Variants in ROBO2 observed in about 807,000 individuals in gnomAD.
The protein encoded by ROBO2 is roundabout guidance receptor 2.
In ROBO2, 53 loss-of-function variants were observed where a neutral mutation model predicts 160.8. The observed-to-expected ratio is 0.33, with a 90% confidence interval of 0.26 to 0.41. The LOEUF is 0.41. ROBO2 is among the 10% of genes least tolerant of loss of function. The probability of loss-of-function intolerance (pLI) is 1.00; values close to 1 mark genes in which losing one functional copy is unlikely to be tolerated. For missense variants in ROBO2, 1,577 were observed against 1,722.4 expected (o/e 0.92, Z 1.49); for synonymous variants, 664 against 611.7 (o/e 1.09, Z -1.26).
intron 2 of ROBO2, among the ~76,000 whole-genome samples, chr3:76,567,597 T>C (rs1027822401): frequency 7.9e-6 from 1 of 126,120 alleles, no homozygotes; most frequent in African/African-American, 2.8e-5. Context: ...CATTAGGCTA[T>C]ATTTATGCTA....
intron 19 of ROBO2, among the ~76,000 whole-genome samples, chr3:77,600,631 TC>T (rs1367801402): frequency 3.3e-5 from 5 of 152,190 alleles, no homozygotes; most frequent in Admixed American, 6.5e-5. Context: ...TCAAGTATAT[TC>T]ACTTAATATT....
chr3:76,929,138 T>C (rs984600101), intron 2 of ROBO2, among the ~76,000 whole-genome samples: 9 of 152,102 alleles, frequency 5.9e-5, no homozygotes, highest in Non-Finnish European at 1.0e-4. Flanking sequence ...CGTTTGCTTG[T>C]AGTCTCAGCT....
intron 2 of ROBO2, among the ~76,000 whole-genome samples, chr3:76,914,117 A>G (rs1269006886): frequency 6.6e-6 from 1 of 152,192 alleles, no homozygotes; most frequent in Non-Finnish European, 1.5e-5. Context: ...TAAAAAGGAG[A>G]ATTTATACCA....
chr3:76,335,721 G>T (rs372590481), intron 2 of ROBO2, among the ~76,000 whole-genome samples: 2 of 151,920 alleles, frequency 1.3e-5, no homozygotes, highest in South Asian at 4.2e-4. Flanking sequence ...GGGACTACAG[G>T]CGCCGCCACC....
chr3:77,010,447 A>T (rs951559149), intron 2 of ROBO2, among the ~76,000 whole-genome samples: 1 of 152,216 alleles, frequency 6.6e-6, no homozygotes, highest in Non-Finnish European at 1.5e-5. Flanking sequence ...CTCCGCGTTT[A>T]TAATAAAAGC....
At position 75,938,590 on chromosome 3, in the gene ROBO2, GTTA is replaced by G. The variant is rs576185016; in HGVS notation, c.109+993_109+995del. 3.3e-5 allele frequency among the ~76,000 whole-genome samples: 5 copies of G among 152,170 alleles called. No homozygotes were observed. In the East Asian group the frequency reaches 9.7e-4, roughly 29 times the overall value. ...CCAGATAAAATTGAAAGTGTGCAGT[GTTA>G]TTATATAATTGTGATGAAGTTGAGC... On this transcript the variant is annotated intron_variant, in intron 2 of 26. Coordinates refer to the ROBO2 transcript ENST00000487694.
At chr3:77,354,522 T>C (rs2068791594) in intron 2 of ROBO2, among the ~76,000 whole-genome samples, 1 of 152,152 alleles carries the variant, frequency 6.6e-6, no homozygotes, top group Non-Finnish European at 1.5e-5. Flanking sequence ...AAGGCACCTC[T>C]GGGAAACCAA....
At chr3:76,369,607 C>A (rs1011685097) in intron 2 of ROBO2, among the ~76,000 whole-genome samples, 1 of 151,894 alleles carries the variant, frequency 6.6e-6, no homozygotes, top group Admixed American at 6.6e-5. Flanking sequence ...ATCGTTCTCT[C>A]ACATTTATTG....
intron 2 of ROBO2, among the ~76,000 whole-genome samples, chr3:76,163,404 A>G (rs2072710015): frequency 6.6e-6 from 1 of 151,360 alleles, no homozygotes; most frequent in Non-Finnish European, 1.5e-5. Flanking sequence ...ACAAAATGTT[A>G]TTATAACGTG....
intron 1 of ROBO2, among the ~76,000 whole-genome samples, chr3:77,046,083 T>C (rs2064636114): frequency 6.6e-6 from 1 of 152,202 alleles, no homozygotes; most frequent in African/African-American, 2.4e-5. Context: ...TACTAACTTT[T>C]GTGTGAACAT....
At chr3:77,556,225 T>C (rs1379084625) in intron 8 of ROBO2, among the ~76,000 whole-genome samples, 1 of 151,924 alleles carries the variant, frequency 6.6e-6, no homozygotes, top group Non-Finnish European at 1.5e-5. Flanking sequence ...AACTTTTAGT[T>C]TGAATTTCTA....
intron 2 of ROBO2, among the ~76,000 whole-genome samples, chr3:76,630,691 A>G (rs560379062): frequency 6.6e-6 from 1 of 152,226 alleles, no homozygotes; most frequent in East Asian, 1.9e-4. Context: ...ATTGACAAAG[A>G]TTAAAAAATT....
intron 2 of ROBO2, among the ~76,000 whole-genome samples, chr3:76,045,482 T>C (rs2067419121): frequency 6.6e-6 from 1 of 151,954 alleles, no homozygotes; most frequent in Non-Finnish European, 1.5e-5. Flanking sequence ...AGACACAAGT[T>C]ATAGAGAAAG....
chr3:76,278,376 A>G (rs768332571), intron 2 of ROBO2, among the ~76,000 whole-genome samples: 1 of 152,024 alleles, frequency 6.6e-6, no homozygotes, highest in Non-Finnish European at 1.5e-5. Flanking sequence ...AAGCCCAGGT[A>G]CATTTCGGTC....
At chr3:77,199,589 G>A (rs2082625613) in intron 2 of ROBO2, among the ~76,000 whole-genome samples, 2 of 151,044 alleles carry the variant, frequency 1.3e-5, no homozygotes, top group Admixed American at 6.6e-5. Context: ...CAGTGACTGA[G>A]GCTGTTTTTA....
chr3:76,942,769 T>C (rs921859102), intron 2 of ROBO2, among the ~76,000 whole-genome samples: 1 of 152,174 alleles, frequency 6.6e-6, no homozygotes, highest in African/African-American at 2.4e-5. Context: ...TCCATTTCAG[T>C]TCCCTTAACT....
At chr3:76,987,167 C>G (rs1451284346) in intron 2 of ROBO2, among the ~76,000 whole-genome samples, 1 of 152,154 alleles carries the variant, frequency 6.6e-6, no homozygotes, top group Admixed American at 6.6e-5. Flanking sequence ...GAGGTCTGAG[C>G]TACTAATAAA....
chr3:76,390,348 T>C (rs1183670738), intron 2 of ROBO2, among the ~76,000 whole-genome samples: 1 of 152,110 alleles, frequency 6.6e-6, no homozygotes, highest in African/African-American at 2.4e-5. Context: ...ATATAATAAC[T>C]ATATATATAA....
intron 2 of ROBO2, among the ~76,000 whole-genome samples, chr3:76,963,686 G>T (rs1389561799): frequency 6.6e-6 from 1 of 151,720 alleles, no homozygotes; most frequent in Non-Finnish European, 1.5e-5. Flanking sequence ...ACCCATATTT[G>T]TTTACCTTTG....
Sources: gnomAD v4.1 joint callset for allele counts (sites outside exome capture counted in the v4.1 genomes callset) on GRCh38, gnomAD v4.1.1 for gene constraint, MANE v1.5 for transcripts, NCBI Gene and HGNC (gene_info 2026-07-23, HGNC 2026-07-21) for gene names.